Variants in SCAI observed in about 807,000 individuals in gnomAD.
SCAI encodes suppressor of cancer cell invasion.
SCAI carries 24 observed loss-of-function variants against 92.2 expected under a neutral mutation model. The ratio of observed to expected loss-of-function variants is 0.26; its 90% CI spans 0.19 to 0.37. SCAI has a LOEUF of 0.37. Ranked by LOEUF, SCAI falls within the 10% of genes least tolerant of loss-of-function variation. The pLI, the probability that SCAI is intolerant of heterozygous loss-of-function variation, is 1.00. For synonymous variants in SCAI, 261 were observed against 258.6 expected (o/e 1.01, Z -0.09); for missense variants, 450 against 736.2 (o/e 0.61, Z 4.50).
chr9:125,043,304 A>G (rs1244032162), intron 3 of SCAI, among the ~76,000 whole-genome samples: 1 of 152,212 alleles, frequency 6.6e-6, no homozygotes, highest in East Asian at 1.9e-4. Context: ...TTAAACACAG[A>G]GGACTATATT....
chr9:125,117,549 C>G (rs1363212933), intron 2 of SCAI, among the ~76,000 whole-genome samples: 1 of 151,380 alleles, frequency 6.6e-6, no homozygotes, highest in Non-Finnish European at 1.5e-5. Context: ...GCCTGTAGTC[C>G]CAGCTACTCA....
chr9:125,002,968 T>C (rs1462254618), intron 11 of SCAI, 146 bp downstream of exon 11: 6 of 517,356 alleles, frequency 1.2e-5, no homozygotes, highest in Middle Eastern at 3.5e-4. Context: ...AACAAAAATA[T>C]CTATTATCAG....
intron 2 of SCAI, among the ~76,000 whole-genome samples, chr9:125,136,456 CTTTTTTTTTTTTT>C (rs1167871254): frequency 1.1e-5 from 1 of 95,216 alleles, no homozygotes; most frequent in Non-Finnish European, 2.1e-5. Flanking sequence ...TAATACCTTT[CTTTTTTTTTTTTT>C]TTTTTTTTTG....
At chr9:125,106,722 CTTTTTTTTTTTTTT>C (rs34740170) in intron 2 of SCAI, among the ~76,000 whole-genome samples, 2 of 113,364 alleles carry the variant, frequency 1.8e-5, no homozygotes, top group Admixed American at 9.8e-5. Context: ...TTTTCTTTTC[CTTTTTTTTTTTTTT>C]TTTTTTTTGA....
chr9:125,004,760 TATATATA>T (rs1832451645), intron 9 of SCAI, among the ~76,000 whole-genome samples: 3 of 9,906 alleles, frequency 3.0e-4, no homozygotes, highest in Admixed American at 1.2e-3. Flanking sequence ...TATATATATA[TATATATA>T]TATATATATA....
intron 17 of SCAI, 138 bp from the exon 18 acceptor site, chr9:124,953,091 T>C: frequency 1.1e-5 from 8 of 733,776 alleles, no homozygotes; most frequent in Non-Finnish European, 1.8e-5. Context: ...TTGTTGAATA[T>C]TGAATTGCTG....
intron 9 of SCAI, among the ~76,000 whole-genome samples, chr9:125,009,543 C>A (rs1438017333): frequency 6.6e-6 from 1 of 152,002 alleles, no homozygotes; most frequent in East Asian, 2.0e-4. Flanking sequence ...AGTGCATGAG[C>A]CACCATGCCC....
chr9:124,988,246 C>T (rs1017829014), intron 14 of SCAI, among the ~76,000 whole-genome samples: 1 of 152,016 alleles, frequency 6.6e-6, no homozygotes, highest in Non-Finnish European at 1.5e-5. Context: ...TCAGTTGGAA[C>T]CAGTCCCAGA....
chr9:125,137,087 A>T (rs1037117261), intron 2 of SCAI, among the ~76,000 whole-genome samples: 2 of 152,116 alleles, frequency 1.3e-5, no homozygotes, highest in Non-Finnish European at 2.9e-5. Flanking sequence ...ATCTGGCTAC[A>T]ACCATTACAT....
At chr9:125,056,464 C>CA (rs1194794212) in intron 2 of SCAI, among the ~76,000 whole-genome samples, 3 of 151,704 alleles carry the variant, frequency 2.0e-5, no homozygotes, top group Non-Finnish European at 2.9e-5. Context: ...GACACCATCT[C>CA]AAAAAACAAA....
rs562561847 is a variant in SCAI, at chr9:125,121,330, T to C, written c.98+21303A>G. ...AAAGATGAATCAAACCTCTGGGGCA[T>C]GTAGGAATTTAAAAAGAAAGACAAA... On this transcript the variant is annotated intron_variant, in intron 2 of 17. Coordinates refer to ENST00000336505, the MANE Select transcript of SCAI (RefSeq NM_001144877.3). Among the ~76,000 whole-genome samples the C allele has an allele frequency of 5.4e-5, 8 of 148,842 alleles. No individual in the cohort carries two copies. In the South Asian group the frequency reaches 1.5e-3, roughly 28 times the overall value.
chr9:125,032,195 A>ATATATATT (rs1177865840), intron 3 of SCAI, among the ~76,000 whole-genome samples: 1,406 of 99,134 alleles, frequency 0.014, 27 homozygotes, highest in African/African-American at 0.033. Flanking sequence ...ATATATATAT[A>ATATATATT]TTTTTTTTTT....
chr9:125,026,770 A>G, intron 6 of SCAI, 42 bp downstream of exon 6: 1 of 998,024 alleles, frequency 1.0e-6, no homozygotes, highest in South Asian at 1.4e-5. Flanking sequence ...TTAAGACTGA[A>G]TGTTTTATCC....
intron 2 of SCAI, among the ~76,000 whole-genome samples, chr9:125,056,304 A>G (rs181277403): frequency 6.6e-6 from 1 of 152,188 alleles, no homozygotes; most frequent in East Asian, 1.9e-4. Flanking sequence ...TGTCTCTACT[A>G]AAAATACAAA....
At chr9:124,998,825 C>T (rs1184850560) in intron 13 of SCAI, among the ~76,000 whole-genome samples, 2 of 151,854 alleles carry the variant, frequency 1.3e-5, no homozygotes, top group African/African-American at 2.4e-5. Context: ...TTCATGTTGG[C>T]CAAGCTGGTC....
chr9:125,133,247 G>A (rs868301846), intron 2 of SCAI, among the ~76,000 whole-genome samples: 4 of 152,014 alleles, frequency 2.6e-5, no homozygotes, highest in Middle Eastern at 3.4e-3. Context: ...AAAATTCACC[G>A]GGTGTGGTAG....
At chr9:125,055,393 C>T (rs1443860180) in intron 3 of SCAI, among the ~76,000 whole-genome samples, 1 of 152,006 alleles carries the variant, frequency 6.6e-6, no homozygotes, top group African/African-American at 2.4e-5. Context: ...TTTTTCCACC[C>T]ACCCCCCACC....
intron 6 of SCAI, among the ~76,000 whole-genome samples, chr9:125,022,450 T>C (rs1832887607): frequency 6.6e-6 from 1 of 152,172 alleles, no homozygotes; most frequent in Non-Finnish European, 1.5e-5. Context: ...CTTGCCCTAT[T>C]TCCCAGGCTG....
At chr9:125,073,404 C>A (rs140866855) in intron 2 of SCAI, among the ~76,000 whole-genome samples, 2,002 of 152,190 alleles carry the variant, frequency 0.013, 22 homozygotes, top group Non-Finnish European at 0.02. Flanking sequence ...GCGCCCGGCC[C>A]TATTTTTAAT....
Sources: allele counts gnomAD v4.1 joint callset (sites outside exome capture counted in the v4.1 genomes callset), GRCh38; gene constraint gnomAD v4.1.1; transcripts MANE v1.5; gene names NCBI Gene and HGNC (gene_info 2026-07-23, HGNC 2026-07-21).